The following SLC46A3 variants were observed in gnomAD, a reference collection of about 807,000 sequenced individuals.
The protein encoded by SLC46A3 is lysosomal proton-coupled steroid conjugate and bile acid symporter SLC46A3.
A neutral mutation model predicts 38.5 loss-of-function variants in SLC46A3; 26 were observed. The ratio of observed to expected loss-of-function variants is 0.68; its 90% confidence interval spans 0.49 to 0.94. The LOEUF is 0.94. SLC46A3 is among the 40% of genes least tolerant of loss of function. The pLI is 0.00. For missense variants in SLC46A3, 510 were observed against 544.3 expected (o/e 0.94, Z 0.63); for synonymous variants, 185 against 192.5 (o/e 0.96, Z 0.32).
At chr13:28,718,229 T>G (rs1409511053) in intron 1 of SLC46A3, among the ~76,000 whole-genome samples, 1 of 152,230 alleles carries the variant, frequency 6.6e-6, no homozygotes, top group Non-Finnish European at 1.5e-5. Flanking sequence ...TGCTTTCCAT[T>G]TTTATGAGTA....
At position 28,712,770 on chromosome 13, in the gene SLC46A3, C is replaced by A. The variant is rs140213033; in HGVS notation, c.970G>T (p.Asp324Tyr). The change falls in exon 3 of 6, where the codon GAT becomes TAT. Residue 324 changes from aspartate to tyrosine, a missense_variant. By Grantham distance (160) the Asp-to-Tyr change is radical. Transcript: ENST00000266943. ...ATCCCAATGAAGGCCATATGAATAT[C>A]TTCCATACAATAAGAAAAAAGCCAT... ...GIWLFSYCME[D>Y]IHMAFIGIFT... The A allele has an allele frequency of 6.2e-7, 1 of 1,613,398 alleles. No individual in the cohort carries two copies. The highest frequency in any genetic ancestry group is 8.5e-7 in the Non-Finnish European group (1 of 1,179,842).
chr13:28,717,953 CA>C lies in SLC46A3; in HGVS notation c.45del (p.Phe15LeufsTer3). 6.2e-7 allele frequency: 1 copy of C among 1,613,888 alleles called. No individual in the cohort carries two copies. Among genetic ancestry groups the C allele is most frequent in the Non-Finnish European group, 8.5e-7 (1 of 1,179,970 alleles). ...FVEPAIFLSA[F>X]AMTLTGPLTT... is the part of the protein sequence containing the mutation. Reference sequence around the variant, plus strand: ...GTCAGTGGACCGGTCAAAGTCATAGCAAATGCACTAAGGAAAATGGCAGGTT... The same window carrying C: ...GTCAGTGGACCGGTCAAAGTCATAGCAATGCACTAAGGAAAATGGCAGGTT... On this transcript the variant is annotated frameshift_variant, in exon 2 of 6. Coordinates refer to ENST00000266943, the MANE Select transcript of SLC46A3 (RefSeq NM_181785.4). LOFTEE classifies it high-confidence loss of function.
intron 4 of SLC46A3, among the ~76,000 whole-genome samples, chr13:28,707,500 A>G (rs1016142093): frequency 2.0e-5 from 3 of 152,068 alleles, no homozygotes; most frequent in Non-Finnish European, 4.4e-5. Context: ...TGGCACATGT[A>G]TACATATGTA....
At chr13:28,717,485 C>CTTTTTTTT (rs56878379) in intron 2 of SLC46A3, among the ~76,000 whole-genome samples, 10 of 126,914 alleles carry the variant, frequency 7.9e-5, no homozygotes, top group African/African-American at 2.8e-4. Flanking sequence ...AATTTTCAGA[C>CTTTTTTTT]TTTTTTTTTT....
Position 28,713,112 on chromosome 13 carries a change from T to G in SLC46A3, c.628A>C (p.Asn210His), listed in dbSNP as rs752694557. The part of the protein sequence containing the change: ...FLIIAVSLAV[N>H]LIYILFFLGD... The stretch of plus-strand genomic sequence containing the variant: ...AGAAAAAATAAAATATAGATCAAAT[T>G]AACAGCAAGAGACACAGCAATAATT... The change falls in exon 3 of 6, where the codon AAT becomes CAT. Residue 210 changes from asparagine to histidine, a missense_variant. Physicochemically the swap from Asn to His is moderately conservative, Grantham distance 68. Coordinates refer to ENST00000266943, the MANE Select transcript of SLC46A3 (RefSeq NM_181785.4). The G allele has an allele frequency of 6.8e-6, 11 of 1,612,422 alleles. No individual in the cohort carries two copies. The African/African-American group carries it at 1.5e-4, about 22-fold the overall frequency.
intron 3 of SLC46A3, among the ~76,000 whole-genome samples, chr13:28,712,217 T>C (rs913003071): frequency 6.6e-6 from 1 of 152,244 alleles, no homozygotes; most frequent in Non-Finnish European, 1.5e-5. Flanking sequence ...ATTTATGAAA[T>C]GGCCAATTTG....
intron 4 of SLC46A3, chr13:28,704,559 T>A (rs1263392678): frequency 6.5e-6 from 1 of 152,966 alleles, no homozygotes; most frequent in Non-Finnish European, 1.5e-5. Context: ...CAAGAGCCTT[T>A]TGAAAGGTAA....
chr13:28,713,037 TACATG>T lies in SLC46A3; in HGVS notation c.698_702del (p.Ser233Ter). ...TAAAATAGGTTTTTGAAGCCTTCACTACATGACATAGTAACATTCTGAGATGAACA... is the reference window on the plus strand; with the variant it reads ...TAAAATAGGTTTTTGAAGCCTTCACTACATAGTAACATTCTGAGATGAACA... On this transcript the variant is annotated frameshift_variant, in exon 3 of 6. Coordinates refer to ENST00000266943, the MANE Select transcript of SLC46A3 (RefSeq NM_181785.4). LOFTEE classifies it high-confidence loss of function. 1 of 1,612,204 alleles carries T rather than the reference TACATG, an allele frequency of 6.2e-7. No individual in the cohort carries two copies. The highest frequency in any genetic ancestry group is 1.3e-5 in the African/African-American group (1 of 74,872).
In SLC46A3 at chr13:28,713,466, A is replaced by G; in HGVS notation, c.274T>C (p.Leu92=). 1 of 1,614,168 alleles carries G rather than the reference A, an allele frequency of 6.2e-7. No individual in the cohort carries two copies. The highest frequency in any genetic ancestry group is 1.1e-5 in the South Asian group (1 of 91,082). Residue 92 remains leucine, a synonymous_variant, in exon 3 of 6, where the codon TTG becomes CTG. Transcript: ENST00000266943. ...IPGLVSTFIL[L]SISDHYGRKF... is the part of the protein sequence containing the mutation. ...CGTCCGTAGTGATCACTAATAGACA[A>G]AAGTATGAATGTAGACACTAGACCA...
At position 28,704,094 on chromosome 13, in the gene SLC46A3, G is replaced by A. The variant is rs774371786; in HGVS notation, c.1150C>T (p.Leu384=). The A allele has an allele frequency of 8.7e-6, 14 of 1,611,104 alleles. No homozygotes were observed. In the Admixed American group the frequency reaches 1.5e-4, roughly 17 times the overall value. The change falls in exon 5 of 6, where the codon CTG becomes TTG. Residue 384 remains leucine, a synonymous_variant. Coordinates refer to ENST00000266943, the MANE Select transcript of SLC46A3 (RefSeq NM_181785.4). ...TCTAAGAAAGCAATACAAGCAAACA[G>A]GGTACCTGTTTGGAGTAGGGATAGA... ...KVVRSTEQGT[L]FACIAFLETL...
At chr13:28,704,480 C>T (rs1217421129) in intron 4 of SLC46A3, 1 of 162,024 alleles carries the variant, frequency 6.2e-6, no homozygotes, top group Non-Finnish European at 1.3e-5. Flanking sequence ...CTGTCTCCCA[C>T]CCTCCAACCC....
chr13:28,713,148 A>T lies in SLC46A3; in HGVS notation c.592T>A (p.Trp198Arg), dbSNP rs780862990. The change falls in exon 3 of 6, where the codon TGG becomes AGG. Residue 198 changes from tryptophan to arginine, a missense_variant. By Grantham distance (101) the Trp-to-Arg change is moderately radical. Coordinates refer to ENST00000266943, the MANE Select transcript of SLC46A3 (RefSeq NM_181785.4). ...GACACAGCAATAATTAGAAACGACC[A>T]CTCAAAACCTAGCTCTCTAATAAAA... ...GYFIRELGFE[W>R]SFLIIAVSLA... is the part of the protein sequence containing the mutation. The T allele has an allele frequency of 6.2e-7, 1 of 1,614,022 alleles. No individual in the cohort carries two copies. Among genetic ancestry groups the T allele is most frequent in the Admixed American group, 1.7e-5 (1 of 60,006 alleles).
chr13:28,704,938 T>G (rs1192643871), intron 4 of SLC46A3, among the ~76,000 whole-genome samples: 1 of 152,198 alleles, frequency 6.6e-6, no homozygotes, highest in African/African-American at 2.4e-5. Flanking sequence ...GCATGGTCAG[T>G]GCAAGCTCAC....
intron 2 of SLC46A3, among the ~76,000 whole-genome samples, chr13:28,716,591 C>T (rs761035628): frequency 6.6e-6 from 1 of 152,096 alleles, no homozygotes; most frequent in Non-Finnish European, 1.5e-5. Flanking sequence ...CTGGGTGAGA[C>T]TCAGGGCCCT....
chr13:28,710,201 C>T (rs1209218181), intron 4 of SLC46A3, among the ~76,000 whole-genome samples: 1 of 152,172 alleles, frequency 6.6e-6, no homozygotes, highest in Non-Finnish European at 1.5e-5. Context: ...CCCCATTCTG[C>T]TCTACCCCTT....
In SLC46A3 at chr13:28,717,796, T is replaced by A; in HGVS notation, c.189+14A>T. ...CCCATTTTATTAAATACTATGGATA[T>A]TGTAATTTCTTACCTCCTGGAATGC... is the stretch of plus-strand genomic sequence containing the variant. On this transcript the variant is annotated intron_variant, in intron 2 of 5. Transcript: ENST00000266943. The A allele has an allele frequency of 1.9e-6, 3 of 1,609,402 alleles. No individual in the cohort carries two copies. Among genetic ancestry groups the A allele is most frequent in the Non-Finnish European group, 2.5e-6 (3 of 1,177,146 alleles).
chr13:28,713,143 C>T lies in SLC46A3; in HGVS notation c.597G>A (p.Ser199=), dbSNP rs374154546. Residue 199 remains serine (S), a synonymous_variant, in exon 3 of 6, where the codon TCG becomes TCA. Transcript: ENST00000266943. ...CAAGAGACACAGCAATAATTAGAAA[C>T]GACCACTCAAAACCTAGCTCTCTAA... is the stretch of plus-strand genomic sequence containing the variant. ...YFIRELGFEW[S]FLIIAVSLAV... 3.3e-5 allele frequency: 53 copies of T among 1,613,612 alleles called. No individual in the cohort carries two copies. Among genetic ancestry groups the T allele is most frequent in the East Asian group, 8.9e-5 (4 of 44,876 alleles).
At chr13:28,702,273 C>T (rs548700839) in intron 5 of SLC46A3, among the ~76,000 whole-genome samples, 9 of 152,214 alleles carry the variant, frequency 5.9e-5, no homozygotes, top group South Asian at 2.1e-4. Flanking sequence ...GTGTGAGCCA[C>T]GGTGCCTGCT....
At chr13:28,710,128 C>T (rs372052743) in intron 4 of SLC46A3, among the ~76,000 whole-genome samples, 6 of 152,282 alleles carry the variant, frequency 3.9e-5, no homozygotes, top group South Asian at 2.1e-4. Flanking sequence ...CAGAATTCCA[C>T]GTAGGAACAG....
Sources: allele counts gnomAD v4.1 joint callset (sites outside exome capture counted in the v4.1 genomes callset), GRCh38; gene constraint gnomAD v4.1.1; transcripts MANE v1.5; gene names NCBI Gene and HGNC (gene_info 2026-07-23, HGNC 2026-07-21).